The following PSD3 variants were observed in gnomAD, a reference collection of about 807,000 sequenced individuals.
The protein encoded by PSD3 is pleckstrin and Sec7 domain containing 3, also known as PH and SEC7 domain-containing protein 3.
In PSD3, 49 loss-of-function variants were observed where a neutral mutation model predicts 105.5. The ratio of observed to expected loss-of-function variants is 0.46; its 90% CI spans 0.37 to 0.59. The LOEUF is 0.59. PSD3 is among the 20% of genes least tolerant of loss of function. The pLI is 0.00. For missense variants in PSD3, 1,561 were observed against 1,263.8 expected, an observed-to-expected ratio of 1.24 and a Z score of -3.57; for synonymous variants, 557 against 457.8, an observed-to-expected ratio of 1.22 and a Z score of -2.77.
At chr8:18,573,416 G>A (rs1367467095) in intron 13 of PSD3, among the ~76,000 whole-genome samples, 1 of 152,164 alleles carries the variant, frequency 6.6e-6, no homozygotes, top group East Asian at 1.9e-4. Context: ...GTTGCAGTGA[G>A]CAGAGATCAC....
intron 1 of PSD3, among the ~76,000 whole-genome samples, chr8:18,969,751 C>T (rs931531159): frequency 6.6e-5 from 10 of 152,026 alleles, no homozygotes; most frequent in Admixed American, 3.9e-4. Context: ...AAAGTAAACC[C>T]AAGGATCTTT....
At chr8:18,722,053 T>C (rs1803012210) in intron 9 of PSD3, among the ~76,000 whole-genome samples, 1 of 152,032 alleles carries the variant, frequency 6.6e-6, no homozygotes, top group African/African-American at 2.4e-5. Flanking sequence ...CAGACTATGA[T>C]TGTTGAGCCT....
chr8:18,932,401 C>G (rs1040213611), intron 2 of PSD3, among the ~76,000 whole-genome samples: 3 of 152,170 alleles, frequency 2.0e-5, no homozygotes, highest in African/African-American at 7.2e-5. Flanking sequence ...CACACAAACT[C>G]TAAAAAGCAA....
At chr8:18,807,392 C>T (rs1010277860) in intron 4 of PSD3, among the ~76,000 whole-genome samples, 1 of 152,182 alleles carries the variant, frequency 6.6e-6, no homozygotes, top group Non-Finnish European at 1.5e-5. Context: ...AAGCACCTGA[C>T]ATCCTGCCCT....
At chr8:19,017,726 G>C (rs1827222840), upstream of PSD3, among the ~76,000 whole-genome samples, 1 of 152,122 alleles carries the variant, frequency 6.6e-6, no homozygotes, top group Non-Finnish European at 1.5e-5. Context: ...CCATATTGTA[G>C]CATATATCAG....
chr8:19,045,426 G>A (rs553135486), intron 1 of PSD3, among the ~76,000 whole-genome samples: 2 of 152,260 alleles, frequency 1.3e-5, no homozygotes, highest in East Asian at 3.9e-4. Context: ...GTTAAGGGAG[G>A]TGAGACTGAC....
At chr8:18,994,166 G>A (rs1825944068) in intron 1 of PSD3, among the ~76,000 whole-genome samples, 2 of 151,862 alleles carry the variant, frequency 1.3e-5, no homozygotes, top group African/African-American at 4.8e-5. Context: ...ACCTTATGAG[G>A]GGCAGTAAAT....
chr8:19,039,031 A>C (rs975093), intron 1 of PSD3, among the ~76,000 whole-genome samples: 16,739 of 152,134 alleles, frequency 0.11, 1,004 homozygotes, highest in African/African-American at 0.16. Flanking sequence ...CCTCATCTTC[A>C]TTATCTTAAT....
intron 8 of PSD3, among the ~76,000 whole-genome samples, chr8:18,767,517 G>T (rs1380100120): frequency 6.6e-6 from 1 of 152,010 alleles, no homozygotes; most frequent in Non-Finnish European, 1.5e-5. Context: ...GGAGGCCGAG[G>T]CAGGTAGATA....
chr8:18,756,083 C>A (rs1806022652), intron 9 of PSD3, among the ~76,000 whole-genome samples: 1 of 152,276 alleles, frequency 6.6e-6, no homozygotes, highest in African/African-American at 2.4e-5. Flanking sequence ...CCTAGCTTTT[C>A]TCTTAAAAGG....
chr8:18,608,192 C>A (rs1379132341), intron 11 of PSD3, among the ~76,000 whole-genome samples: 1 of 152,084 alleles, frequency 6.6e-6, no homozygotes, highest in Non-Finnish European at 1.5e-5. Context: ...TGGATTCTAT[C>A]CTGGGTGACA....
intron 11 of PSD3, among the ~76,000 whole-genome samples, chr8:18,629,175 T>C (rs1806713382): frequency 6.6e-6 from 1 of 151,824 alleles, no homozygotes; most frequent in Non-Finnish European, 1.5e-5. Context: ...GACTCCAAAA[T>C]AAGGAATATA....
intron 8 of PSD3, among the ~76,000 whole-genome samples, chr8:18,790,621 A>C (rs1809628365): frequency 6.6e-6 from 1 of 152,050 alleles, no homozygotes; most frequent in Admixed American, 6.6e-5. Context: ...CTATAAAAAC[A>C]TTTCAACACC....
chr8:19,075,342 AT>A (rs2129478128), intron 1 of PSD3, among the ~76,000 whole-genome samples: 1 of 152,280 alleles, frequency 6.6e-6, no homozygotes, highest in East Asian at 1.9e-4. Context: ...GCCTCAAGTG[AT>A]CCTCCCACCT....
chr8:18,826,563 G>C (rs544044796), intron 4 of PSD3, among the ~76,000 whole-genome samples: 1 of 152,110 alleles, frequency 6.6e-6, no homozygotes, highest in Non-Finnish European at 1.5e-5. Flanking sequence ...TTTCCCTTGG[G>C]AATATAAATT....
At chr8:18,581,115 T>C (rs1023764952) in intron 12 of PSD3, among the ~76,000 whole-genome samples, 12 of 152,182 alleles carry the variant, frequency 7.9e-5, no homozygotes, top group African/African-American at 2.4e-4. Context: ...GGCTAGCGGA[T>C]GACTCACTCT....
intron 1 of PSD3, among the ~76,000 whole-genome samples, chr8:19,069,467 A>C (rs4579570): frequency 0.47 from 71,936 of 152,074 alleles, 17,865 homozygotes; most frequent in Middle Eastern, 0.64. Flanking sequence ...AGCTGAATTT[A>C]TGCAAAATTT....
At chr8:18,746,521 T>C (rs746020909) in intron 9 of PSD3, among the ~76,000 whole-genome samples, 2 of 152,098 alleles carry the variant, frequency 1.3e-5, no homozygotes, top group Admixed American at 6.5e-5. Context: ...AGGGGGGGTG[T>C]TGCTGGTCAG....
chr8:18,774,788 G>A (rs1807879664), intron 8 of PSD3: 1 of 425,604 alleles, frequency 2.3e-6, no homozygotes, highest in South Asian at 1.7e-5. Flanking sequence ...CAATCTAAGA[G>A]AACTGGAATG....
Sources: allele counts gnomAD v4.1 joint callset (sites outside exome capture counted in the v4.1 genomes callset), GRCh38; gene constraint gnomAD v4.1.1; transcripts MANE v1.5; gene names NCBI Gene and HGNC (gene_info 2026-07-23, HGNC 2026-07-21).